Variants in LYZL1 observed in about 807,000 individuals in gnomAD.
LYZL1 encodes the protein lysozyme like 1.
A neutral mutation model predicts 17.9 loss-of-function variants in LYZL1; 16 were observed. The ratio of observed to expected loss-of-function variants is 0.90; its 90% CI spans 0.61 to 1.36. The LOEUF (loss-of-function observed/expected upper bound fraction) is 1.36, where lower values mean the gene tolerates loss of function less well. Ranked by LOEUF, LYZL1 falls within the 40% of genes most tolerant of loss-of-function variation. The pLI is 0.00. For missense variants in LYZL1, 149 were observed against 188.4 expected, an observed-to-expected ratio of 0.79 and a Z score of 1.22; for synonymous variants, 58 against 71.8, an observed-to-expected ratio of 0.81 and a Z score of 0.97.
intron 3 of LYZL1, among the ~76,000 whole-genome samples, chr10:29,296,906 A>C (rs1206850648): frequency 6.6e-6 from 1 of 152,182 alleles, no homozygotes; most frequent in African/African-American, 2.4e-5. Flanking sequence ...AAGGCTCACC[A>C]GACTTCAGAG....
chr10:29,312,607 A>C (rs1835686674), downstream of LYZL1, among the ~76,000 whole-genome samples: 1 of 152,190 alleles, frequency 6.6e-6, no homozygotes, highest in Admixed American at 6.5e-5. Flanking sequence ...ATGGCTAGGA[A>C]CTTGGTGACC....
intron 3 of LYZL1, among the ~76,000 whole-genome samples, chr10:29,296,145 G>T (rs1389660722): frequency 6.6e-6 from 1 of 152,108 alleles, no homozygotes; most frequent in Non-Finnish European, 1.5e-5. Flanking sequence ...CCCTCTTGGT[G>T]TCCTGCCAAA....
Position 29,292,687 on chromosome 10 carries a change from T to C in LYZL1, c.298+10T>C. On this transcript the variant is annotated intron_variant, in intron 3 of 4. Transcript: ENST00000649382. ...CATGTCGCCTGCTCAGGTGAGGCTC[T>C]GACTTTCCAGTGATGCCATCCTCAG... 1 of 1,609,098 alleles carries C rather than the reference T, an allele frequency of 6.2e-7. No homozygotes were observed. Among genetic ancestry groups the C allele is most frequent in the East Asian group, 2.2e-5 (1 of 44,798 alleles).
At chr10:29,289,689 G>T (rs1835334863) in intron 1 of LYZL1, among the ~76,000 whole-genome samples, 1 of 152,102 alleles carries the variant, frequency 6.6e-6, no homozygotes, top group South Asian at 2.1e-4. Context: ...AAAGTGCTTG[G>T]ATTACAGGTA....
At chr10:29,293,127 C>CTTTTCTTTTTTTTTT (rs1835397932) in intron 3 of LYZL1, among the ~76,000 whole-genome samples, 14 of 104,192 alleles carry the variant, frequency 1.3e-4, no homozygotes, top group African/African-American at 1.8e-4. Context: ...CTTTTCTTTT[C>CTTTTCTTTTTTTTTT]TTTTTTCTTT....
At chr10:29,291,627 C>G (rs567488413) in intron 1 of LYZL1, among the ~76,000 whole-genome samples, 5 of 152,000 alleles carry the variant, frequency 3.3e-5, no homozygotes, top group Admixed American at 1.3e-4. Flanking sequence ...GAGAACACAG[C>G]ATTGACTTGA....
intron 3 of LYZL1, among the ~76,000 whole-genome samples, chr10:29,306,549 C>CAAAAAAAAAAAAAAAAAAAAAA (rs58001118): frequency 2.5e-4 from 12 of 48,804 alleles, no homozygotes; most frequent in Non-Finnish European, 3.9e-4. Context: ...GACTCCGTCT[C>CAAAAAAAAAAAAAAAAAAAAAA]AAAAAAAAAA....
chr10:29,312,059 G>C (rs1835679334), downstream of LYZL1, among the ~76,000 whole-genome samples: 1 of 152,300 alleles, frequency 6.6e-6, no homozygotes, highest in South Asian at 2.1e-4. Context: ...CAACAATCTG[G>C]GAAGCCAAGG....
intron 3 of LYZL1, among the ~76,000 whole-genome samples, chr10:29,300,805 T>C (rs1364005782): frequency 6.6e-6 from 1 of 152,202 alleles, no homozygotes; most frequent in South Asian, 2.1e-4. Flanking sequence ...AATTCTGGGA[T>C]GACAGTTGTT....
At chr10:29,298,258 C>T (rs891111292) in intron 3 of LYZL1, among the ~76,000 whole-genome samples, 2 of 152,158 alleles carry the variant, frequency 1.3e-5, no homozygotes, top group African/African-American at 2.4e-5. Flanking sequence ...TGACCAGCAC[C>T]GAGGTACAAG....
downstream of LYZL1, among the ~76,000 whole-genome samples, chr10:29,312,622 G>A (rs922467525): frequency 3.9e-5 from 6 of 152,150 alleles, no homozygotes; most frequent in South Asian, 2.1e-4. Flanking sequence ...GTGACCCTCT[G>A]ATGGAAGTCT....
downstream of LYZL1, among the ~76,000 whole-genome samples, chr10:29,316,054 C>T (rs116711985): frequency 0.036 from 5,447 of 152,054 alleles, 168 homozygotes; most frequent in South Asian, 0.079. Flanking sequence ...TTACACACAG[C>T]GATGTCAGGG....
At chr10:29,298,060 A>G (rs1835469480) in intron 3 of LYZL1, among the ~76,000 whole-genome samples, 1 of 152,238 alleles carries the variant, frequency 6.6e-6, no homozygotes, top group Non-Finnish European at 1.5e-5. Flanking sequence ...TACCTCCTGT[A>G]TCATAAAGAA....
downstream of LYZL1, among the ~76,000 whole-genome samples, chr10:29,315,081 C>A (rs1366750830): frequency 6.6e-6 from 1 of 152,180 alleles, no homozygotes; most frequent in African/African-American, 2.4e-5. Context: ...AAAAATAAAG[C>A]CTTCATCAAG....
At chr10:29,297,680 G>C (rs1004184687) in intron 3 of LYZL1, among the ~76,000 whole-genome samples, 5 of 152,142 alleles carry the variant, frequency 3.3e-5, no homozygotes, top group African/African-American at 1.2e-4. Flanking sequence ...AAAAAACATA[G>C]TATATGTAGA....
intron 3 of LYZL1, among the ~76,000 whole-genome samples, chr10:29,296,853 T>C (rs1835452497): frequency 6.6e-6 from 1 of 152,192 alleles, no homozygotes; most frequent in South Asian, 2.1e-4. Context: ...CACAGGGCTC[T>C]GCCAGCCTTT....
At position 29,292,513 on chromosome 10, in the gene LYZL1, C is replaced by G. The variant is rs577997710; in HGVS notation, c.140-6C>G. The stretch of plus-strand genomic sequence containing the variant: ...TTGCTGGCGTTTCTGGCTTTCCCCC[C>G]TCCAGGGATCTGCATGGCATATTAT... On this transcript the variant is annotated splice_region_variant and splice_polypyrimidine_tract_variant and intron_variant, in intron 2 of 4. Transcript: ENST00000649382. 7 of 1,612,678 alleles carry G rather than the reference C, an allele frequency of 4.3e-6. No homozygotes were observed. In the East Asian group the frequency reaches 1.3e-4, roughly 31 times the overall value.
At position 29,295,990 on chromosome 10, in the gene LYZL1, G is replaced by A. The variant is rs547567178; in HGVS notation, c.298+3313G>A. Reference sequence around the variant, plus strand: ...TGCAGAGTGTCCAGAAAGGAAAACAGACCTGTCAGCACTTTGACTTCAGCC... The same window carrying A: ...TGCAGAGTGTCCAGAAAGGAAAACAAACCTGTCAGCACTTTGACTTCAGCC... On this transcript the variant is annotated intron_variant, in intron 3 of 4. Coordinates refer to ENST00000649382, the MANE Select transcript of LYZL1 (RefSeq NM_032517.6). Among the ~76,000 whole-genome samples the A allele has an allele frequency of 1.7e-4, 26 of 152,244 alleles. No homozygotes were observed. In the South Asian group the frequency reaches 5.0e-3, roughly 29 times the overall value.
rs149901258 is a variant in LYZL1 at position 29,292,633 on chromosome 10, G to A, written c.254G>A (p.Arg85His). 2.7e-5 allele frequency: 43 copies of A among 1,614,120 alleles called. No individual in the cohort carries two copies. The South Asian group carries it at 3.1e-4, about 12-fold the overall frequency. ...FQINSFAWCR[R>H]GKLKENNHCH... is the part of the protein sequence containing the mutation. ...ATCAACAGCTTCGCGTGGTGCAGAC[G>A]CGGAAAGCTGAAGGAGAACAACCAC... The change falls in exon 3 of 5, where the codon CGC becomes CAC. Residue 85 changes from arginine (R) to histidine (H), a missense_variant. Around this residue, in one of 2 missense-constraint regions of LYZL1, gnomAD observed 130 missense variants for 132.5 expected, o/e 0.98. Coordinates refer to ENST00000649382, the MANE Select transcript of LYZL1 (RefSeq NM_032517.6).
Sources: gnomAD v4.1 joint callset for allele counts (sites outside exome capture counted in the v4.1 genomes callset) on GRCh38, gnomAD v4.1.1 for gene constraint, gnomAD v4.1.1 regional missense constraint, MANE v1.5 for transcripts, NCBI Gene and HGNC (gene_info 2026-07-23, HGNC 2026-07-21) for gene names.